NRXN3: variants seen among roughly 807,000 people sequenced by gnomAD.
NRXN3 encodes neurexin 3, also known as neurexin III.
NRXN3 carries 32 observed loss-of-function variants against 137.6 expected under a neutral mutation model. The ratio of observed to expected loss-of-function variants is 0.23; its 90% CI spans 0.18 to 0.31. NRXN3 has a LOEUF of 0.31. NRXN3 is among the 10% of genes least tolerant of loss of function. The pLI is 1.00. For synonymous variants in NRXN3, 798 were observed against 784.5 expected (o/e 1.02, Z -0.29); for missense variants, 1,574 against 2,062.5 (o/e 0.76, Z 4.59).
At chr14:79,090,967 G>A (rs752047369) in intron 15 of NRXN3, among the ~76,000 whole-genome samples, 3 of 152,088 alleles carry the variant, frequency 2.0e-5, no homozygotes, top group Middle Eastern at 3.4e-3. Flanking sequence ...CACAAACCAT[G>A]TGGCCAAGAG....
intron 4 of NRXN3, among the ~76,000 whole-genome samples, chr14:78,460,135 A>G (rs1210941205): frequency 1.3e-5 from 2 of 152,242 alleles, no homozygotes; most frequent in Non-Finnish European, 2.9e-5. Flanking sequence ...GCCAGATGAA[A>G]GAGATGCAGA....
intron 8 of NRXN3, among the ~76,000 whole-genome samples, chr14:78,735,569 G>C (rs2098537570): frequency 6.6e-6 from 1 of 152,276 alleles, no homozygotes; most frequent in East Asian, 1.9e-4. Context: ...AGGCAAAACA[G>C]AAGGATGAGC....
chr14:79,854,202 C>T lies in NRXN3; in HGVS notation c.4094-7140C>T, dbSNP rs944326627. 8 of 960,420 alleles carry T rather than the reference C, an allele frequency of 8.3e-6. No homozygotes were observed. In the African/African-American group the frequency reaches 1.1e-4, roughly 13 times the overall value. The allele number at this position is 960,420 out of a possible 1,614,324, so 59.5% of individuals were successfully genotyped here. A position where few individuals can be genotyped will look rare whatever the true frequency, so the allele number is the denominator to read the frequency against. ...TTTTTCTTTCATGCCAAAAAACATG[C>T]GGGCAATTTGTTGATGTAAGTTGAC... On this transcript the variant is annotated intron_variant, in intron 20 of 20. Transcript: ENST00000335750.
chr14:78,380,327 A>AC (rs1163759625), intron 4 of NRXN3, among the ~76,000 whole-genome samples: 2 of 151,696 alleles, frequency 1.3e-5, no homozygotes, highest in African/African-American at 2.4e-5. Flanking sequence ...AAAAAAAAAA[A>AC]AGATGTGTTT....
intron 19 of NRXN3, among the ~76,000 whole-genome samples, chr14:79,758,973 G>A (rs2139349401): frequency 1.3e-5 from 2 of 152,254 alleles, no homozygotes; most frequent in South Asian, 4.1e-4. Flanking sequence ...TTTTTTGTTT[G>A]CCTTAATATC....
chr14:79,351,994 T>C (rs1248678345), intron 15 of NRXN3, among the ~76,000 whole-genome samples: 1 of 152,206 alleles, frequency 6.6e-6, no homozygotes, highest in Non-Finnish European at 1.5e-5. Flanking sequence ...GAATCTTTAT[T>C]TTAAATTACA....
At chr14:79,325,420 C>G (rs1373644068) in intron 15 of NRXN3, among the ~76,000 whole-genome samples, 1 of 152,164 alleles carries the variant, frequency 6.6e-6, no homozygotes, top group Non-Finnish European at 1.5e-5. Flanking sequence ...GACATTAATG[C>G]TTACTGTTTT....
In NRXN3 at chr14:79,132,068, G is replaced by A. The variant is rs534793837; in HGVS notation, c.3262+143927G>A. Among the ~76,000 whole-genome samples, 56 of 148,668 alleles carry A rather than the reference G, an allele frequency of 3.8e-4. No homozygotes were observed. In the South Asian group the frequency reaches 0.011, roughly 29 times the overall value. ...ACGGTGCGTGCACCCACTGACCTGC[G>A]CGCACTGTCTGGCACTCCCTAGTGA... On this transcript the variant is annotated intron_variant, in intron 15 of 20. Coordinates refer to ENST00000335750, the MANE Select transcript of NRXN3 (RefSeq NM_001330195.2).
At chr14:79,358,069 T>G (rs916696184) in intron 15 of NRXN3, among the ~76,000 whole-genome samples, 3 of 152,186 alleles carry the variant, frequency 2.0e-5, no homozygotes, top group African/African-American at 7.2e-5. Flanking sequence ...GTGTAATCAC[T>G]CTTGTGGCAT....
chr14:79,115,189 G>A (rs1469421154), intron 15 of NRXN3, among the ~76,000 whole-genome samples: 1 of 152,076 alleles, frequency 6.6e-6, no homozygotes, highest in Admixed American at 6.5e-5. Flanking sequence ...GACAGACGTG[G>A]TGGCACATGC....
chr14:78,595,752 G>A (rs1355927215), intron 4 of NRXN3, among the ~76,000 whole-genome samples: 1 of 152,172 alleles, frequency 6.6e-6, no homozygotes, highest in Non-Finnish European at 1.5e-5. Flanking sequence ...CTCTTTTGGG[G>A]AGACGTAGAA....
chr14:79,738,315 CCA>C (rs10539564), intron 19 of NRXN3, among the ~76,000 whole-genome samples: 1,925 of 137,980 alleles, frequency 0.014, 18 homozygotes, highest in African/African-American at 0.031. Flanking sequence ...ATTTCCCCCG[CCA>C]CACACACACA....
chr14:78,929,858 C>T (rs369747342), intron 10 of NRXN3, among the ~76,000 whole-genome samples: 3 of 152,168 alleles, frequency 2.0e-5, no homozygotes, highest in African/African-American at 4.8e-5. Context: ...TGATTAAACA[C>T]TTCATTATTT....
At chr14:78,389,080 C>T (rs1419629565) in intron 4 of NRXN3, among the ~76,000 whole-genome samples, 6 of 145,288 alleles carry the variant, frequency 4.1e-5, no homozygotes, top group South Asian at 4.3e-4. Flanking sequence ...TTGTTTGAGA[C>T]GGAGTTGCTC....
intron 4 of NRXN3, among the ~76,000 whole-genome samples, chr14:78,315,390 G>A (rs1397319154): frequency 2.0e-5 from 3 of 152,126 alleles, no homozygotes; most frequent in African/African-American, 7.2e-5. Flanking sequence ...TGAAACTATA[G>A]ACTTTAGTTC....
At chr14:79,649,431 T>TGACTC (rs1437014350) in intron 16 of NRXN3, among the ~76,000 whole-genome samples, 1 of 152,204 alleles carries the variant, frequency 6.6e-6, no homozygotes, top group African/African-American at 2.4e-5. Flanking sequence ...ATATTTATTT[T>TGACTC]GACTCTATAG....
chr14:78,551,381 C>A (rs894430788), intron 4 of NRXN3, among the ~76,000 whole-genome samples: 3 of 152,072 alleles, frequency 2.0e-5, no homozygotes, highest in African/African-American at 7.2e-5. Flanking sequence ...TTACTGACTT[C>A]CAGAAGAAAT....
intron 19 of NRXN3, among the ~76,000 whole-genome samples, chr14:79,721,841 G>A (rs1458303226): frequency 6.6e-6 from 1 of 151,998 alleles, no homozygotes; most frequent in Non-Finnish European, 1.5e-5. Context: ...GGTAGGGTGT[G>A]GTAGCATGAA....
intron 4 of NRXN3, among the ~76,000 whole-genome samples, chr14:78,347,876 T>A (rs2082958688): frequency 6.6e-6 from 1 of 152,032 alleles, no homozygotes; most frequent in Admixed American, 6.6e-5. Context: ...GGTTGGATAA[T>A]AAGAAGTGAG....
Sources: allele counts gnomAD v4.1 joint callset (sites outside exome capture counted in the v4.1 genomes callset), GRCh38; gene constraint gnomAD v4.1.1; transcripts MANE v1.5; gene names NCBI Gene and HGNC (gene_info 2026-07-23, HGNC 2026-07-21).